Variants in CHRM3 observed in about 807,000 individuals in gnomAD.
CHRM3 encodes the protein cholinergic receptor muscarinic 3, also known as muscarinic acetylcholine receptor M3.
Under a neutral mutation model 41.8 loss-of-function variants are expected in CHRM3, and 11 were observed. That is an observed-to-expected ratio of 0.26 (90% confidence interval 0.17 to 0.44). The LOEUF is 0.44. CHRM3 is among the 20% of genes least tolerant of loss of function. CHRM3 has a pLI of 1.00. For missense variants in CHRM3, 571 were observed against 745.4 expected, an observed-to-expected ratio of 0.77 and a Z score of 2.72; for synonymous variants, 297 against 301.4, an observed-to-expected ratio of 0.99 and a Z score of 0.15.
chr1:239,421,590 G>T (rs1404963861), intron 1 of CHRM3, among the ~76,000 whole-genome samples: 1 of 152,026 alleles, frequency 6.6e-6, no homozygotes, highest in Non-Finnish European at 1.5e-5. Context: ...TGTATGTGTG[G>T]CTTACTGTTT....
chr1:239,658,457 T>C (rs1262031888), intron 4 of CHRM3, among the ~76,000 whole-genome samples: 1 of 152,088 alleles, frequency 6.6e-6, no homozygotes, highest in African/African-American at 2.4e-5. Flanking sequence ...GGCCAGGGAG[T>C]TGCCATGCCT....
chr1:239,850,955 A>C (rs1469832084), intron 6 of CHRM3, among the ~76,000 whole-genome samples: 1 of 152,150 alleles, frequency 6.6e-6, no homozygotes, highest in African/African-American at 2.4e-5. Context: ...GTAGGTTTCC[A>C]ATTATGGGAT....
intron 5 of CHRM3, among the ~76,000 whole-genome samples, chr1:239,768,843 C>T (rs1351661865): frequency 1.3e-5 from 2 of 151,768 alleles, no homozygotes; most frequent in Non-Finnish European, 2.9e-5. Flanking sequence ...CAGCTCACTG[C>T]AACCTCCACC....
At chr1:239,478,779 T>C (rs773199078) in intron 1 of CHRM3, among the ~76,000 whole-genome samples, 18 of 152,156 alleles carry the variant, frequency 1.2e-4, no homozygotes, top group Non-Finnish European at 2.5e-4. Flanking sequence ...GGGAACTGGG[T>C]GACAGTATCA....
At chr1:239,600,755 CTTTCCTTCCTTCCTTTTTCTTCT>C (rs1665420739) in intron 3 of CHRM3, among the ~76,000 whole-genome samples, 2 of 150,136 alleles carry the variant, frequency 1.3e-5, no homozygotes, top group African/African-American at 2.4e-5. Context: ...CTCCCTCCTT[CTTTCCTTCCTTCCTTTTTCTTCT>C]TTTCCTTCCT....
chr1:239,563,785 T>C (rs1030442623), intron 3 of CHRM3, among the ~76,000 whole-genome samples: 1 of 152,038 alleles, frequency 6.6e-6, no homozygotes, highest in Non-Finnish European at 1.5e-5. Context: ...TAGAAACAAA[T>C]AGTTGTGAAA....
At chr1:239,829,547 AG>A (rs1361106088) in intron 6 of CHRM3, among the ~76,000 whole-genome samples, 3 of 152,224 alleles carry the variant, frequency 2.0e-5, no homozygotes, top group Non-Finnish European at 1.5e-5. Context: ...ATACCAAAAA[AG>A]CATGTATTTT....
intron 3 of CHRM3, among the ~76,000 whole-genome samples, chr1:239,564,228 A>C (rs547961893): frequency 6.6e-6 from 1 of 152,222 alleles, no homozygotes; most frequent in South Asian, 2.1e-4. Context: ...TTGAGAAAAT[A>C]ATAAACCTAA....
intron 1 of CHRM3, among the ~76,000 whole-genome samples, chr1:239,432,212 G>T (rs7536688): frequency 6.6e-6 from 1 of 151,818 alleles, no homozygotes; most frequent in African/African-American, 2.4e-5. Context: ...ACAATCTCAT[G>T]TGGAAGTGGT....
intron 3 of CHRM3, among the ~76,000 whole-genome samples, chr1:239,548,832 A>G (rs1191068307): frequency 6.6e-6 from 1 of 152,210 alleles, no homozygotes; most frequent in Non-Finnish European, 1.5e-5. Context: ...TCGTATTAGG[A>G]TTTAGAATGT....
At chr1:239,783,463 A>C (rs921490751) in intron 5 of CHRM3, among the ~76,000 whole-genome samples, 1 of 152,146 alleles carries the variant, frequency 6.6e-6, no homozygotes, top group African/African-American at 2.4e-5. Context: ...ACAGAAATAA[A>C]TGAATAAGAG....
intron 3 of CHRM3, among the ~76,000 whole-genome samples, chr1:239,573,042 T>G (rs1661977567): frequency 6.6e-6 from 1 of 152,156 alleles, no homozygotes. Context: ...ATTTGGAGGG[T>G]TTGGCCCTAC....
At chr1:239,761,111 G>A (rs1291468501) in intron 5 of CHRM3, among the ~76,000 whole-genome samples, 1 of 151,708 alleles carries the variant, frequency 6.6e-6, no homozygotes, top group African/African-American at 2.4e-5. Context: ...TCTTTGCGAT[G>A]TTTAATATCT....
intron 6 of CHRM3, among the ~76,000 whole-genome samples, chr1:239,855,264 T>G (rs2149243978): frequency 6.6e-6 from 1 of 152,318 alleles, no homozygotes; most frequent in Non-Finnish European, 1.5e-5. Context: ...AAAGCATTTC[T>G]TAGCTTTTGA....
intron 1 of CHRM3, among the ~76,000 whole-genome samples, chr1:239,480,810 G>A (rs967429090): frequency 8.6e-5 from 13 of 151,804 alleles, no homozygotes; most frequent in African/African-American, 2.7e-4. Flanking sequence ...TGCCCGCCTC[G>A]GCCTCCCAAA....
At chr1:239,840,978 C>T (rs910542690) in intron 6 of CHRM3, among the ~76,000 whole-genome samples, 2 of 152,154 alleles carry the variant, frequency 1.3e-5, no homozygotes, top group Non-Finnish European at 2.9e-5. Flanking sequence ...GAGGAAGTGT[C>T]ATAATTTTAG....
intron 1 of CHRM3, among the ~76,000 whole-genome samples, chr1:239,427,246 C>G (rs933683609): frequency 6.6e-6 from 1 of 152,026 alleles, no homozygotes; most frequent in African/African-American, 2.4e-5. Flanking sequence ...AATTTGATGA[C>G]AAGACTATAT....
intron 5 of CHRM3, among the ~76,000 whole-genome samples, chr1:239,756,959 G>T (rs1666294822): frequency 6.6e-6 from 1 of 152,162 alleles, no homozygotes; most frequent in South Asian, 2.1e-4. Context: ...TTAAGCATTA[G>T]ACAAGTGACT....
intron 3 of CHRM3, among the ~76,000 whole-genome samples, chr1:239,552,214 T>TTATATATGTATAGATGATATGTATCA (rs201421095): frequency 3.9e-4 from 56 of 142,812 alleles, no homozygotes; most frequent in Non-Finnish European, 6.4e-4. Context: ...GTATCGTATA[T>TTATATATGTATAGATGATATGTATCA]TATATATGTA....
Sources: allele counts gnomAD v4.1 joint callset (sites outside exome capture counted in the v4.1 genomes callset), GRCh38; gene constraint gnomAD v4.1.1; transcripts MANE v1.5; gene names NCBI Gene and HGNC (gene_info 2026-07-23, HGNC 2026-07-21).